GABRR2: variants seen among roughly 807,000 people sequenced by gnomAD.
GABRR2 encodes gamma-aminobutyric acid type A receptor subunit rho2.
In GABRR2, 36 loss-of-function variants were observed where a neutral mutation model predicts 47.0. That is an observed-to-expected ratio of 0.77 (90% CI 0.59 to 1.01). GABRR2 has a LOEUF of 1.01. Ranked by LOEUF, GABRR2 falls within the 50% of genes least tolerant of loss-of-function variation. The pLI is 0.00. For synonymous variants in GABRR2, 204 were observed against 227.5 expected (o/e 0.90, Z 0.93); for missense variants, 587 against 594.6 (o/e 0.99, Z 0.13).
At chr6:89,291,706 T>C (rs1774444674) in intron 2 of GABRR2, among the ~76,000 whole-genome samples, 1 of 152,196 alleles carries the variant, frequency 6.6e-6, no homozygotes, top group African/African-American at 2.4e-5. Context: ...ACTCCATCAG[T>C]AGAGACACCC....
intron 2 of GABRR2, among the ~76,000 whole-genome samples, chr6:89,276,426 A>T (rs976539689): frequency 2.6e-5 from 4 of 152,106 alleles, no homozygotes; most frequent in Non-Finnish European, 5.9e-5. Context: ...AAAATTCTTT[A>T]CCTCAATAAT....
At chr6:89,296,330 T>C (rs1010268205) in intron 2 of GABRR2, among the ~76,000 whole-genome samples, 4 of 152,264 alleles carry the variant, frequency 2.6e-5, no homozygotes, top group South Asian at 2.1e-4. Flanking sequence ...GCCAGAACTC[T>C]GGGTGTCTTA....
chr6:89,273,236 G>A (rs1418838277), intron 2 of GABRR2, among the ~76,000 whole-genome samples: 1 of 152,054 alleles, frequency 6.6e-6, no homozygotes. Flanking sequence ...ACAGTCGTCC[G>A]TATTCTCTTC....
intron 3 of GABRR2, 26 bp from the exon 4 acceptor site, chr6:89,269,260 C>T (rs777756660): frequency 6.3e-7 from 1 of 1,578,600 alleles, no homozygotes; most frequent in South Asian, 1.1e-5. Flanking sequence ...TGAGACCAGA[C>T]AAAAATGGCT....
intron 2 of GABRR2, among the ~76,000 whole-genome samples, chr6:89,281,366 C>A (rs114237983): frequency 0.056 from 8,528 of 152,238 alleles, 775 homozygotes; most frequent in African/African-American, 0.19. Flanking sequence ...ACATTTCACA[C>A]AAGAGACAGC....
intron 1 of GABRR2, among the ~76,000 whole-genome samples, chr6:89,301,475 C>T (rs1458985848): frequency 6.6e-6 from 1 of 152,108 alleles, no homozygotes; most frequent in African/African-American, 2.4e-5. Context: ...TAGAAAACCC[C>T]ATAGTTTTGG....
At chr6:89,311,513 C>A (rs9344922) in intron 1 of GABRR2, among the ~76,000 whole-genome samples, 1 of 152,174 alleles carries the variant, frequency 6.6e-6, no homozygotes, top group Non-Finnish European at 1.5e-5. Context: ...CCCTCAGACC[C>A]TAGACTCCTT....
intron 1 of GABRR2, among the ~76,000 whole-genome samples, chr6:89,300,353 T>C (rs62417507): frequency 0.11 from 16,139 of 151,798 alleles, 987 homozygotes; most frequent in South Asian, 0.16. Flanking sequence ...CTACTAAAAA[T>C]ACAAAAATTA....
chr6:89,295,762 TC>T (rs1430045641), intron 2 of GABRR2, among the ~76,000 whole-genome samples: 35 of 151,932 alleles, frequency 2.3e-4, no homozygotes, highest in Non-Finnish European at 4.6e-4. Context: ...TGGTTTTAGG[TC>T]TAACATTTAA....
At chr6:89,259,899 G>GT (rs1294723160) in intron 8 of GABRR2, among the ~76,000 whole-genome samples, 225 of 119,702 alleles carry the variant, frequency 1.9e-3, no homozygotes, top group Middle Eastern at 8.1e-3. Context: ...TTTTTTTTTT[G>GT]TTTTTTTTGT....
rs1773589352 is a variant in GABRR2, at chr6:89,255,796, G to A, written c.*1874C>T. ...GGTAGAGCTTCCTGGTCTTTAGGCT[G>A]CCCAGCCCAGTGCAGTAGCTACTAG... On this transcript the variant is annotated 3_prime_UTR_variant, in exon 9 of 9. Coordinates refer to ENST00000402938, the MANE Select transcript of GABRR2 (RefSeq NM_002043.5). Among the ~76,000 whole-genome samples, 1 of 152,152 alleles carries A rather than the reference G, an allele frequency of 6.6e-6. No individual in the cohort carries two copies. Among genetic ancestry groups the A allele is most frequent in the South Asian group, 2.1e-4 (1 of 4,828 alleles).
At chr6:89,311,208 A>T (rs1767675925) in intron 1 of GABRR2, among the ~76,000 whole-genome samples, 1 of 152,216 alleles carries the variant, frequency 6.6e-6, no homozygotes, top group Non-Finnish European at 1.5e-5. Context: ...CCGAGGGCTT[A>T]GCAGATCATA....
intron 2 of GABRR2, among the ~76,000 whole-genome samples, chr6:89,287,830 CT>C (rs1774357637): frequency 6.6e-6 from 1 of 152,216 alleles, no homozygotes; most frequent in Non-Finnish European, 1.5e-5. Context: ...TTACTGAGCA[CT>C]TCCTATATGC....
intron 6 of GABRR2, among the ~76,000 whole-genome samples, 155 bp downstream of exon 6, chr6:89,267,524 G>T (rs1198165065): frequency 6.6e-6 from 1 of 152,162 alleles, no homozygotes; most frequent in African/African-American, 2.4e-5. Context: ...CCATGATTTC[G>T]CCACTACACT....
chr6:89,287,040 C>T (rs1487102608), intron 2 of GABRR2, among the ~76,000 whole-genome samples: 1 of 152,204 alleles, frequency 6.6e-6, no homozygotes, highest in Admixed American at 6.5e-5. Context: ...GTCCAAGAAG[C>T]AGCTCAAAAA....
chr6:89,294,768 C>T (rs1357900104), intron 2 of GABRR2, among the ~76,000 whole-genome samples: 3 of 149,642 alleles, frequency 2.0e-5, no homozygotes, highest in Non-Finnish European at 3.0e-5. Context: ...TTAGGTATAT[C>T]TCCTAATGCT....
intron 1 of GABRR2, chr6:89,302,386 G>C: frequency 1.8e-6 from 1 of 568,296 alleles, no homozygotes; most frequent in South Asian, 1.4e-5. Flanking sequence ...CATCAACAAG[G>C]AGGCGCTCTA....
In GABRR2 at chr6:89,304,632, A is replaced by T. The variant is rs562870195; in HGVS notation, c.114-4767T>A. 5.9e-5 allele frequency among the ~76,000 whole-genome samples: 9 copies of T among 152,162 alleles called. No homozygotes were observed. In the East Asian group the frequency reaches 1.7e-3, roughly 29 times the overall value. On this transcript the variant is annotated intron_variant, in intron 1 of 8. Coordinates refer to ENST00000402938, the MANE Select transcript of GABRR2 (RefSeq NM_002043.5). ...AAAAGAAAAAAAGTGGGCAAAGGAC[A>T]TGAACAGATGCTTTTCAAAAGAAGA...
chr6:89,284,652 C>A (rs900695396), intron 2 of GABRR2, among the ~76,000 whole-genome samples: 1 of 152,188 alleles, frequency 6.6e-6, no homozygotes, highest in Non-Finnish European at 1.5e-5. Flanking sequence ...CCAGGAAGTG[C>A]AAGAGAATGG....
Sources: gnomAD v4.1 joint callset for allele counts (sites outside exome capture counted in the v4.1 genomes callset) on GRCh38, gnomAD v4.1.1 for gene constraint, MANE v1.5 for transcripts, NCBI Gene and HGNC (gene_info 2026-07-23, HGNC 2026-07-21) for gene names.